CMIP: variants seen among roughly 807,000 people sequenced by gnomAD.
CMIP encodes c-Maf inducing protein.
Under a neutral mutation model 97.3 loss-of-function variants are expected in CMIP, and 13 were observed. That is an observed-to-expected ratio of 0.13 (90% CI 0.09 to 0.21). CMIP has a LOEUF of 0.21. Among genes scored for constraint, CMIP ranks in the 10% least tolerant of loss-of-function variants. The pLI is 1.00. For synonymous variants in CMIP, 538 were observed against 436.3 expected, an observed-to-expected ratio of 1.23 and a Z score of -2.91; for missense variants, 847 against 1,024.9, an observed-to-expected ratio of 0.83 and a Z score of 2.37.
At chr16:81,556,838 C>G (rs2090773919) in intron 1 of CMIP, among the ~76,000 whole-genome samples, 1 of 152,236 alleles carries the variant, frequency 6.6e-6, no homozygotes, top group Admixed American at 6.5e-5. Flanking sequence ...AAGGGACATT[C>G]TGTACGGTGC....
chr16:81,565,495 A>C (rs906081341), intron 1 of CMIP, among the ~76,000 whole-genome samples: 2 of 152,164 alleles, frequency 1.3e-5, no homozygotes, highest in African/African-American at 4.8e-5. Flanking sequence ...GCAGCTCAGC[A>C]TTGCCAGGGA....
chr16:81,692,529 C>T (rs1221257606), intron 11 of CMIP, among the ~76,000 whole-genome samples: 1 of 152,220 alleles, frequency 6.6e-6, no homozygotes, highest in East Asian at 1.9e-4. Flanking sequence ...CTGGGGCTCT[C>T]GAAGGAGCCG....
chr16:81,459,647 T>G (rs1906783929), intron 1 of CMIP, among the ~76,000 whole-genome samples: 1 of 152,206 alleles, frequency 6.6e-6, no homozygotes, highest in East Asian at 1.9e-4. Context: ...CCCTGACGCA[T>G]GCACTGCCTC....
At position 81,710,731 on chromosome 16, in the gene CMIP, G is replaced by C. The variant is rs1462150901; in HGVS notation, c.*932G>C. On this transcript the variant is annotated 3_prime_UTR_variant, in exon 21 of 21. Transcript: ENST00000537098. ...GAGGAGGAGGGATTAAGATCCCCTT[G>C]CTCCACTAAGGCCCAAGCTCTTTCT... The C allele has an allele frequency of 6.6e-6, 1 of 151,998 alleles. No individual in the cohort carries two copies. Among genetic ancestry groups the C allele is most frequent in the African/African-American group, 2.4e-5 (1 of 41,322 alleles). The allele number at this position is 151,998 out of a possible 1,614,324, so 9.4% of individuals were successfully genotyped here.
intron 1 of CMIP, among the ~76,000 whole-genome samples, chr16:81,594,881 C>G: frequency 6.6e-6 from 1 of 150,750 alleles, no homozygotes; most frequent in African/African-American, 2.4e-5. Flanking sequence ...CCGCCCGCCT[C>G]GGCCTCCCAA....
At chr16:81,536,911 C>T (rs974951419) in intron 1 of CMIP, among the ~76,000 whole-genome samples, 1 of 152,182 alleles carries the variant, frequency 6.6e-6, no homozygotes, top group Non-Finnish European at 1.5e-5. Flanking sequence ...TACCCCACCC[C>T]CTGCCCTGCA....
intron 20 of CMIP, 74 bp from the exon 21 acceptor site, chr16:81,709,672 G>C (rs1484194390): frequency 6.4e-6 from 10 of 1,552,792 alleles, no homozygotes; most frequent in Non-Finnish European, 8.0e-6. Flanking sequence ...CGGCAATGCG[G>C]GTGGAGCCAG....
intron 2 of CMIP, among the ~76,000 whole-genome samples, chr16:81,613,004 C>G (rs993302973): frequency 3.9e-5 from 6 of 152,212 alleles, no homozygotes; most frequent in African/African-American, 1.4e-4. Flanking sequence ...GGAACGCAGC[C>G]TGGTCAGCTT....
intron 1 of CMIP, among the ~76,000 whole-genome samples, chr16:81,549,088 C>G (rs2090604687): frequency 6.6e-6 from 1 of 152,174 alleles, no homozygotes; most frequent in Non-Finnish European, 1.5e-5. Flanking sequence ...GGGCGTGGCC[C>G]AAAGCCAGAT....
chr16:81,684,661 G>A (rs1028369355), intron 10 of CMIP, among the ~76,000 whole-genome samples: 1 of 152,228 alleles, frequency 6.6e-6, no homozygotes, highest in African/African-American at 2.4e-5. Context: ...CTGGACCTCC[G>A]TTTCTCATCT....
rs969923519 is a variant in CMIP at position 81,627,863 on chromosome 16, G to A, written c.477+6937G>A. Reference sequence around the variant, plus strand: ...TCTGTGTTGGGAGCTGGCGCTGGGGGACCACAACCCTCAAAGTCCCCAGCA... The same window carrying A: ...TCTGTGTTGGGAGCTGGCGCTGGGGAACCACAACCCTCAAAGTCCCCAGCA... On this transcript the variant is annotated intron_variant, in intron 3 of 20. Transcript: ENST00000537098. This position sits in a 1 kb window ranked among gnomAD's most constrained non-coding sequence, Gnocchi z 4.6. Among the ~76,000 whole-genome samples the A allele has an allele frequency of 6.6e-6, 1 of 152,152 alleles. No individual in the cohort carries two copies. Among genetic ancestry groups the A allele is most frequent in the Non-Finnish European group, 1.5e-5 (1 of 68,014 alleles).
intron 1 of CMIP, among the ~76,000 whole-genome samples, chr16:81,589,479 T>TTG (rs942997786): frequency 3.4e-5 from 5 of 148,666 alleles, no homozygotes; most frequent in Non-Finnish European, 5.9e-5. Context: ...ATATGCAGAC[T>TTG]TGTGTTTTTT....
chr16:81,645,662 G>A (rs1224269019), intron 3 of CMIP: 11 of 1,519,516 alleles, frequency 7.2e-6, no homozygotes, highest in Non-Finnish European at 9.7e-6. Flanking sequence ...GACTCTGCCA[G>A]ACGGGAAGCA....
At position 81,616,601 on chromosome 16, in the gene CMIP, A is replaced by G. The variant is rs965662159; in HGVS notation, c.427-4275A>G. Reference sequence around the variant, plus strand: ...CTGCAAACTAAACCTGCCTTCTTGAACCGAAACCTGCCTTCTTCCTGGACT... The same window carrying G: ...CTGCAAACTAAACCTGCCTTCTTGAGCCGAAACCTGCCTTCTTCCTGGACT... On this transcript the variant is annotated intron_variant, in intron 2 of 20. Coordinates refer to ENST00000537098, the MANE Select transcript of CMIP (RefSeq NM_198390.3). This position sits in a 1 kb window ranked among gnomAD's most constrained non-coding sequence, Gnocchi z 4.7. Among the ~76,000 whole-genome samples, 4 of 152,280 alleles carry G rather than the reference A, an allele frequency of 2.6e-5. No individual in the cohort carries two copies. Among genetic ancestry groups the G allele is most frequent in the Admixed American group, 6.5e-5 (1 of 15,302 alleles).
At chr16:81,497,304 G>A (rs1222222331) in intron 1 of CMIP, among the ~76,000 whole-genome samples, 2 of 152,160 alleles carry the variant, frequency 1.3e-5, no homozygotes, top group Non-Finnish European at 2.9e-5. Flanking sequence ...TTCATACCTT[G>A]TATTGGTCCT....
intron 1 of CMIP, among the ~76,000 whole-genome samples, chr16:81,507,577 A>G (rs1209314068): frequency 2.0e-5 from 3 of 152,242 alleles, no homozygotes; most frequent in Admixed American, 1.3e-4. Flanking sequence ...AATGTAAAAC[A>G]TGGCTCCCCT....
intron 1 of CMIP, among the ~76,000 whole-genome samples, chr16:81,604,648 C>T (rs537945268): frequency 3.8e-4 from 58 of 152,200 alleles, no homozygotes; most frequent in South Asian, 1.5e-3. Flanking sequence ...TGCAGTGAGC[C>T]GAGATCGCGC....
intron 1 of CMIP, among the ~76,000 whole-genome samples, chr16:81,539,836 C>T (rs2090415672): frequency 6.6e-6 from 1 of 152,192 alleles, no homozygotes; most frequent in African/African-American, 2.4e-5. Context: ...TTTATGAATG[C>T]ACAGTTCATA....
At chr16:81,651,956 G>A (rs1247968080) in intron 3 of CMIP, among the ~76,000 whole-genome samples, 1 of 152,156 alleles carries the variant, frequency 6.6e-6, no homozygotes, top group Admixed American at 6.5e-5. Context: ...ATTATCATCA[G>A]GGTGAAGTGA....
Sources: allele counts gnomAD v4.1 joint callset (sites outside exome capture counted in the v4.1 genomes callset), GRCh38; gene constraint gnomAD v4.1.1; non-coding constraint Gnocchi (gnomAD v3.1); transcripts MANE v1.5; gene names NCBI Gene and HGNC (gene_info 2026-07-23, HGNC 2026-07-21).